The following BABAM2 variants were observed in gnomAD, a reference collection of about 807,000 sequenced individuals.
BABAM2 encodes the protein BRISC and BRCA1 A complex member 2.
Under a neutral mutation model 54.7 loss-of-function variants are expected in BABAM2, and 31 were observed. The ratio of observed to expected loss-of-function variants is 0.57; its 90% confidence interval spans 0.43 to 0.77. The LOEUF (loss-of-function observed/expected upper bound fraction) is 0.77, where lower values mean the gene tolerates loss of function less well. Among genes scored for constraint, BABAM2 ranks in the 30% least tolerant of loss-of-function variants. The probability of loss-of-function intolerance (pLI) is 0.00; values close to 1 mark genes in which losing one functional copy is unlikely to be tolerated. For missense variants in BABAM2, 364 were observed against 455.8 expected (o/e 0.80, Z 1.83); for synonymous variants, 167 against 162.9 (o/e 1.03, Z -0.19).
At chr2:28,189,823 CA>C (rs1381876269) in intron 7 of BABAM2, among the ~76,000 whole-genome samples, 2 of 151,434 alleles carry the variant, frequency 1.3e-5, no homozygotes, top group Non-Finnish European at 2.9e-5. Flanking sequence ...CGAGAATAGC[CA>C]AAACAACTTT....
chr2:28,167,650 C>T (rs1209428534), intron 7 of BABAM2, among the ~76,000 whole-genome samples: 9 of 150,912 alleles, frequency 6.0e-5, no homozygotes, highest in African/African-American at 1.2e-4. Context: ...GCCGAGATCA[C>T]GCCACTACAC....
At chr2:28,215,358 A>C (rs538509594) in intron 7 of BABAM2, among the ~76,000 whole-genome samples, 1 of 152,296 alleles carries the variant, frequency 6.6e-6, no homozygotes, top group South Asian at 2.1e-4. Flanking sequence ...AATGTTGTCA[A>C]GATTAAATGA....
chr2:27,942,184 A>G (rs919483588), intron 3 of BABAM2, among the ~76,000 whole-genome samples: 3 of 152,190 alleles, frequency 2.0e-5, no homozygotes, highest in Non-Finnish European at 4.4e-5. Flanking sequence ...GGGGCTTGGC[A>G]TGGATGACTG....
chr2:28,251,333 A>T (rs1683463718), intron 10 of BABAM2, among the ~76,000 whole-genome samples: 1 of 152,166 alleles, frequency 6.6e-6, no homozygotes, highest in Non-Finnish European at 1.5e-5. Context: ...ATAGGCCTGT[A>T]ATCAAGGCCA....
chr2:28,070,586 G>T (rs1480074360), intron 6 of BABAM2, among the ~76,000 whole-genome samples: 1 of 147,532 alleles, frequency 6.8e-6, no homozygotes, highest in African/African-American at 2.5e-5. Context: ...GTCTCGCTCT[G>T]TCACCCAGGC....
intron 7 of BABAM2, among the ~76,000 whole-genome samples, chr2:28,150,408 A>C (rs1390600043): frequency 2.6e-5 from 4 of 152,176 alleles, no homozygotes; most frequent in South Asian, 4.1e-4. Flanking sequence ...GAGGGGGAAA[A>C]AGCTGGAGTA....
chr2:28,082,044 CAT>C (rs1665218959), intron 6 of BABAM2, among the ~76,000 whole-genome samples: 1 of 151,996 alleles, frequency 6.6e-6, no homozygotes, highest in Non-Finnish European at 1.5e-5. Flanking sequence ...GGTAAGGAAA[CAT>C]ATTGAAACTA....
chr2:28,128,801 T>G (rs2148767003), intron 6 of BABAM2, among the ~76,000 whole-genome samples: 1 of 152,320 alleles, frequency 6.6e-6, no homozygotes, highest in East Asian at 1.9e-4. Flanking sequence ...TTTGCTTGTA[T>G]GGTGACACTC....
intron 6 of BABAM2, among the ~76,000 whole-genome samples, chr2:28,060,006 C>T (rs1678732830): frequency 3.3e-5 from 5 of 152,036 alleles, no homozygotes; most frequent in Admixed American, 6.6e-5. Context: ...TCTGTGAGGA[C>T]AGCACTACTT....
intron 3 of BABAM2, among the ~76,000 whole-genome samples, chr2:27,982,956 G>A (rs1351554090): frequency 6.6e-6 from 1 of 151,844 alleles, no homozygotes; most frequent in East Asian, 1.9e-4. Flanking sequence ...TGGCTATTGT[G>A]AATCATGTTG....
chr2:28,223,587 T>C (rs1680606467), intron 7 of BABAM2, among the ~76,000 whole-genome samples: 4 of 151,960 alleles, frequency 2.6e-5, no homozygotes, highest in Admixed American at 2.6e-4. Context: ...GGAGTGAGAG[T>C]AGAGGTCTCC....
chr2:28,075,993 G>A (rs998930619), intron 6 of BABAM2, among the ~76,000 whole-genome samples: 1 of 152,084 alleles, frequency 6.6e-6, no homozygotes, highest in Non-Finnish European at 1.5e-5. Flanking sequence ...GCCAGGTGTG[G>A]CGGCTCATGC....
At chr2:28,310,333 G>C (rs1688963355) in intron 11 of BABAM2, 1 of 581,980 alleles carries the variant, frequency 1.7e-6, no homozygotes, top group Non-Finnish European at 2.9e-6. Flanking sequence ...TTACAGCCCA[G>C]CTCAGTCTCC....
chr2:27,951,947 C>A (rs1669760562), intron 3 of BABAM2, among the ~76,000 whole-genome samples: 1 of 152,284 alleles, frequency 6.6e-6, no homozygotes. Context: ...GCTTCTGCAT[C>A]ATTCTTCTAT....
At chr2:28,256,184 CTTCT>C in intron 10 of BABAM2, among the ~76,000 whole-genome samples, 1 of 152,254 alleles carries the variant, frequency 6.6e-6, no homozygotes, top group African/African-American at 2.4e-5. Flanking sequence ...AGATACATAG[CTTCT>C]TTGTTAACAC....
rs1319574803 is a variant in BABAM2, at chr2:27,910,015, AG to A, written c.128+15332del. 2.6e-5 allele frequency among the ~76,000 whole-genome samples: 4 copies of A among 152,340 alleles called. No individual in the cohort carries two copies. In the East Asian group the frequency reaches 7.7e-4, roughly 29 times the overall value. ...AGGCAGATGAGGTAACTGAAACTCA[AG>A]TAAGTTGCGTGACTTGTTCAGGGTT... On this transcript the variant is annotated intron_variant, in intron 2 of 11. Coordinates refer to ENST00000379624, the MANE Select transcript of BABAM2 (RefSeq NM_199191.3).
chr2:28,095,319 G>A (rs1324825621), intron 6 of BABAM2, among the ~76,000 whole-genome samples: 1 of 152,096 alleles, frequency 6.6e-6, no homozygotes, highest in Non-Finnish European at 1.5e-5. Flanking sequence ...TACCTTCCCT[G>A]GCAGAGCCTT....
intron 7 of BABAM2, among the ~76,000 whole-genome samples, chr2:28,226,812 C>T (rs569041911): frequency 2.6e-5 from 4 of 151,782 alleles, no homozygotes; most frequent in Admixed American, 2.6e-4. Flanking sequence ...AGGTTTTAGC[C>T]CCAGTGAGAA....
intron 6 of BABAM2, among the ~76,000 whole-genome samples, chr2:28,108,111 TTTAACA>T (rs1050966874): frequency 6.6e-6 from 1 of 152,192 alleles, no homozygotes; most frequent in Non-Finnish European, 1.5e-5. Flanking sequence ...TTGTTTATTT[TTTAACA>T]TAGTTTGTGA....
Sources: allele counts gnomAD v4.1 joint callset (sites outside exome capture counted in the v4.1 genomes callset), GRCh38; gene constraint gnomAD v4.1.1; transcripts MANE v1.5; gene names NCBI Gene and HGNC (gene_info 2026-07-23, HGNC 2026-07-21).